The following ALDH1A1 variants were observed in gnomAD, a reference collection of about 807,000 sequenced individuals.
The protein encoded by ALDH1A1 is aldehyde dehydrogenase 1A1.
ALDH1A1 carries 19 observed loss-of-function variants against 62.1 expected under a neutral mutation model. That is an observed-to-expected ratio of 0.31 (90% CI 0.21 to 0.45). The LOEUF is 0.45. Ranked by LOEUF, ALDH1A1 falls within the 20% of genes least tolerant of loss-of-function variation. The pLI is 1.00. For missense variants in ALDH1A1, 521 were observed against 607.1 expected (o/e 0.86, Z 1.49); for synonymous variants, 231 against 215.9 (o/e 1.07, Z -0.61).
intron 1 of ALDH1A1, among the ~76,000 whole-genome samples, chr9:72,941,082 T>G (rs953588522): frequency 2.0e-5 from 3 of 152,318 alleles, no homozygotes; most frequent in Middle Eastern, 3.4e-3. Flanking sequence ...AATACAGTCT[T>G]GGATAGTATA....
At chr9:72,922,617 T>A (rs1158131313) in intron 7 of ALDH1A1, among the ~76,000 whole-genome samples, 1 of 151,666 alleles carries the variant, frequency 6.6e-6, no homozygotes, top group Non-Finnish European at 1.5e-5. Flanking sequence ...GAAAAAAAAA[T>A]GTGTCGGGCT....
At chr9:72,935,360 G>T (rs758332955) in intron 2 of ALDH1A1, among the ~76,000 whole-genome samples, 12 of 151,962 alleles carry the variant, frequency 7.9e-5, no homozygotes, top group African/African-American at 2.9e-4. Context: ...TTTGAAGTAA[G>T]GGCCACAAGC....
chr9:72,923,243 A>C (rs1830164369), intron 7 of ALDH1A1, among the ~76,000 whole-genome samples: 1 of 152,196 alleles, frequency 6.6e-6, no homozygotes, highest in Non-Finnish European at 1.5e-5. Flanking sequence ...TGTTGTCAGC[A>C]GCTTTCTAAG....
intron 3 of ALDH1A1, among the ~76,000 whole-genome samples, chr9:72,929,456 C>T (rs1830252975): frequency 6.6e-6 from 1 of 152,214 alleles, no homozygotes; most frequent in South Asian, 2.1e-4. Context: ...TTAATTTTTA[C>T]ATTCCATCTG....
In ALDH1A1 at chr9:72,925,523, A is replaced by T; in HGVS notation, c.594T>A (p.Thr198=). 1 of 1,614,008 alleles carries T rather than the reference A, an allele frequency of 6.2e-7. No homozygotes were observed. Among genetic ancestry groups the T allele is most frequent in the Non-Finnish European group, 8.5e-7 (1 of 1,179,912 alleles). Residue 198 remains threonine, a synonymous_variant, in exon 6 of 13, where the codon ACT becomes ACA. Coordinates refer to ENST00000297785, the MANE Select transcript of ALDH1A1 (RefSeq NM_000689.5). The stretch of plus-strand genomic sequence containing the variant: ...ATGCCACGTGGAGAGCAGTGAGAGG[A>T]GTTTGCTCTGCTGGTTTGACAACCA... ...NTVVVKPAEQ[T]PLTALHVASL... is the part of the protein sequence containing the mutation.
At chr9:72,933,767 C>T (rs1334179868) in intron 2 of ALDH1A1, among the ~76,000 whole-genome samples, 1 of 151,980 alleles carries the variant, frequency 6.6e-6, no homozygotes, top group Non-Finnish European at 1.5e-5. Context: ...GCAGTTAAAA[C>T]TTTAAATTTT....
intron 2 of ALDH1A1, among the ~76,000 whole-genome samples, chr9:72,932,309 C>T (rs549243374): frequency 6.6e-6 from 1 of 152,242 alleles, no homozygotes; most frequent in Admixed American, 6.5e-5. Flanking sequence ...AGCTAAATCC[C>T]ATCTAAGGAG....
chr9:72,939,610 C>T (rs533026108), intron 2 of ALDH1A1, among the ~76,000 whole-genome samples: 19 of 150,886 alleles, frequency 1.3e-4, no homozygotes, highest in South Asian at 4.2e-4. Context: ...CTCTGCCTCA[C>T]GGGCTAAAGC....
intron 3 of ALDH1A1, among the ~76,000 whole-genome samples, chr9:72,930,419 TCTTAGCGAG>T (rs1300479806): frequency 6.6e-6 from 1 of 152,196 alleles, no homozygotes; most frequent in African/African-American, 2.4e-5. Flanking sequence ...TTATTAAATA[TCTTAGCGAG>T]CTAGACTAAT....
In ALDH1A1 at chr9:72,916,954, T is replaced by C; in HGVS notation, c.1001A>G (p.Asn334Ser). 2 of 1,613,094 alleles carry C rather than the reference T, an allele frequency of 1.2e-6. No individual in the cohort carries two copies. Among genetic ancestry groups the C allele is most frequent in the Non-Finnish European group, 1.7e-6 (2 of 1,179,500 alleles). The change falls in exon 9 of 13, where the codon AAT (asparagine) becomes AGT (serine). Residue 334 changes from asparagine (N) to serine (S), a missense_variant. Physicochemically the swap from Asn to Ser is conservative, Grantham distance 46. Transcript: ENST00000297785. ...TTGAGTGACTCCTGGGGTCAGAGGA[T>C]TTCCAAGGATATACTTCTTAGCCCG... ...VERAKKYILG[N>S]PLTPGVTQGP...
chr9:72,927,054 T>C (rs2118536079), intron 5 of ALDH1A1, 62 bp downstream of exon 5: 3 of 1,197,916 alleles, frequency 2.5e-6, no homozygotes, highest in Non-Finnish European at 3.6e-6. Context: ...GAAAGCTTCA[T>C]CATTAGATAG....
intron 2 of ALDH1A1, among the ~76,000 whole-genome samples, chr9:72,934,576 T>C (rs1190078084): frequency 2.0e-5 from 3 of 152,152 alleles, no homozygotes; most frequent in African/African-American, 7.2e-5. Flanking sequence ...TTTGTGTCTG[T>C]AGTTCTCCTT....
chr9:72,940,294 T>C (rs199856480), intron 1 of ALDH1A1, 42 bp from the exon 2 acceptor site: 2 of 1,486,778 alleles, frequency 1.3e-6, no homozygotes, highest in East Asian at 2.3e-5. Context: ...CGCTTAAATA[T>C]GCAGAAAATT....
Position 72,909,771 on chromosome 9 carries a change from G to A in ALDH1A1, c.1201-12C>T, listed in dbSNP as rs1446358352. 1 of 1,583,114 alleles carries A rather than the reference G, an allele frequency of 6.3e-7. No individual in the cohort carries two copies. ...ACTGGTCCAAAAATCTATACCACAA[G>A]AAATAAATAAGTAAAAATAATAGGT... On this transcript the variant is annotated splice_polypyrimidine_tract_variant and intron_variant, in intron 10 of 12. Coordinates refer to ENST00000297785, the MANE Select transcript of ALDH1A1 (RefSeq NM_000689.5).
rs746083382 is a variant in ALDH1A1, at chr9:72,940,128, A to G, written c.171+20T>C. On this transcript the variant is annotated intron_variant, in intron 2 of 12. Coordinates refer to ENST00000297785, the MANE Select transcript of ALDH1A1 (RefSeq NM_000689.5). ...ACCAAGAAACCTGGCATAAAATGAA[A>G]CTAGTGTTCAGAAACTCACCTTATC... The G allele has an allele frequency of 6.4e-7, 1 of 1,567,540 alleles. No homozygotes were observed. The highest frequency in any genetic ancestry group is 1.1e-5 in the South Asian group (1 of 90,096).
At chr9:72,944,270 A>G (rs1411346829) in intron 1 of ALDH1A1, among the ~76,000 whole-genome samples, 1 of 152,136 alleles carries the variant, frequency 6.6e-6, no homozygotes. Flanking sequence ...TCATAAGGTC[A>G]CAGGCTTTTG....
At chr9:72,951,403 C>T (rs563104706) in intron 1 of ALDH1A1, among the ~76,000 whole-genome samples, 1 of 151,746 alleles carries the variant, frequency 6.6e-6, no homozygotes, top group African/African-American at 2.4e-5. Flanking sequence ...ATTAGAGCTT[C>T]CTTGAAATAC....
intron 9 of ALDH1A1, among the ~76,000 whole-genome samples, chr9:72,913,734 T>C (rs1354485224): frequency 6.6e-6 from 1 of 152,224 alleles, no homozygotes; most frequent in African/African-American, 2.4e-5. Context: ...GGCCTTTGTA[T>C]TTCAGTGCCT....
rs764692933 is a variant in ALDH1A1, at chr9:72,908,571, GAAAGAAAGAAAGA to G, written c.1358+1018_1358+1030del. On this transcript the variant is annotated intron_variant, in intron 11 of 12. Transcript: ENST00000297785. The stretch of plus-strand genomic sequence containing the variant: ...AAGAAAGAAGAAAGAAAGAAAGAAA[GAAAGAAAGAAAGA>G]AAGAAAGAAAGAAAGAAAGAAAGAA... Among the ~76,000 whole-genome samples the G allele has an allele frequency of 8.8e-3, 807 of 91,438 alleles. 14 individuals carry two copies. The highest frequency in any genetic ancestry group is 0.026 in the South Asian group (65 of 2,506). The allele number at this position is 91,438 out of a possible 152,430, so 60.0% of individuals were successfully genotyped here. A position where few individuals can be genotyped will look rare whatever the true frequency, so the allele number is the denominator to read the frequency against.
Sources: gnomAD v4.1 joint callset for allele counts (sites outside exome capture counted in the v4.1 genomes callset) on GRCh38, gnomAD v4.1.1 for gene constraint, MANE v1.5 for transcripts, NCBI Gene and HGNC (gene_info 2026-07-23, HGNC 2026-07-21) for gene names.